Variants in ATRX observed in about 807,000 individuals in gnomAD.
ATRX encodes the protein ATRX chromatin remodeler, also known as chromatin remodeler ATRX.
ATRX carries 12 observed loss-of-function variants against 172.6 expected under a neutral mutation model. The observed-to-expected ratio is 0.07, with a 90% CI of 0.04 to 0.11. The LOEUF (loss-of-function observed/expected upper bound fraction) is 0.11. Among genes scored for constraint, ATRX ranks in the 10% least tolerant of loss-of-function variants. The pLI, the probability that ATRX is intolerant of heterozygous loss-of-function variation, is 1.00. For synonymous variants in ATRX, 674 were observed against 594.7 expected, an observed-to-expected ratio of 1.13 and a Z score of -1.94; for missense variants, 1,368 against 1,767.4, an observed-to-expected ratio of 0.77 and a Z score of 4.05.
chrX:77,591,693 T>C (rs1489667969), intron 26 of ATRX, among the ~76,000 whole-genome samples: 1 of 112,319 alleles, frequency 8.9e-6, no homozygotes, highest in African/African-American at 3.2e-5. Context: ...TCAGCTCAAA[T>C]GACCAAGGCC....
At chrX:77,649,363 A>G (rs1185763398) in intron 15 of ATRX, among the ~76,000 whole-genome samples, 1 of 112,198 alleles carries the variant, frequency 8.9e-6, no homozygotes, top group Non-Finnish European at 1.9e-5. Context: ...CACCATTTAT[A>G]ATTTTAAAAA....
chrX:77,667,518 A>T (rs1478231753), intron 10 of ATRX, among the ~76,000 whole-genome samples: 2 of 111,096 alleles, frequency 1.8e-5, no homozygotes, highest in Non-Finnish European at 1.9e-5. Context: ...TTGTGTTTAC[A>T]AGTTCAAAAA....
intron 30 of ATRX, among the ~76,000 whole-genome samples, chrX:77,553,082 G>A (rs1245290314): frequency 9.0e-6 from 1 of 111,354 alleles, no homozygotes; most frequent in Non-Finnish European, 1.9e-5. Context: ...AATAAAAGCA[G>A]CTTCAAATAC....
intron 1 of ATRX, among the ~76,000 whole-genome samples, chrX:77,782,388 A>T: frequency 8.9e-6 from 1 of 112,564 alleles, no homozygotes; most frequent in Non-Finnish European, 1.9e-5. Context: ...CTTTTCAAGT[A>T]ATCAATTGCC....
chrX:77,523,759 C>T (rs1210540410), intron 30 of ATRX, among the ~76,000 whole-genome samples: 1 of 111,376 alleles, frequency 9.0e-6, no homozygotes, highest in Non-Finnish European at 1.9e-5. Flanking sequence ...ATATTGGATG[C>T]CTGTGCTAGA....
chrX:77,694,593 T>C (rs1478165481), intron 5 of ATRX, among the ~76,000 whole-genome samples: 1 of 111,106 alleles, frequency 9.0e-6, no homozygotes, highest in East Asian at 2.8e-4. Context: ...ATCCCTATGT[T>C]AATATTTTAG....
At chrX:77,730,785 A>G (rs782094434) in intron 1 of ATRX, among the ~76,000 whole-genome samples, 47 of 111,742 alleles carry the variant, frequency 4.2e-4, no homozygotes, top group African/African-American at 1.5e-3. Flanking sequence ...ATTGAAACAA[A>G]TGATACTGAA....
intron 27 of ATRX, among the ~76,000 whole-genome samples, chrX:77,576,467 G>T (rs1421904789): frequency 9.1e-6 from 1 of 110,494 alleles, no homozygotes; most frequent in Non-Finnish European, 1.9e-5. Context: ...CAAAGAAAGC[G>T]GGGAAATGAG....
rs782124045 is a variant in ATRX, at chrX:77,722,384, C to A, written c.21-5141G>T. 5.6e-5 allele frequency among the ~76,000 whole-genome samples: 6 copies of A among 108,090 alleles called. No homozygotes were observed. The South Asian group carries it at 2.3e-3, about 41-fold the overall frequency. The allele number at this position is 108,090 out of a possible 115,157, so 93.9% of individuals were successfully genotyped here. A position where few individuals can be genotyped will look rare whatever the true frequency, so the allele number is the denominator to read the frequency against. On this transcript the variant is annotated intron_variant, in intron 1 of 34. Coordinates refer to ENST00000373344, the MANE Select transcript of ATRX (RefSeq NM_000489.6). ...GCAAAAAAAAAATATATATATATAT[C>A]TCATCAGAGTGAACAGGCAACCTAC...
At chrX:77,704,891 C>T (rs562863535) in intron 2 of ATRX, among the ~76,000 whole-genome samples, 10 of 112,000 alleles carry the variant, frequency 8.9e-5, no homozygotes, top group Non-Finnish European at 1.5e-4. Context: ...GGTCTGCAGC[C>T]CCCCCATGAT....
chrX:77,651,000 T>TCCCAA (rs1229557630), intron 15 of ATRX, among the ~76,000 whole-genome samples: 32 of 110,849 alleles, frequency 2.9e-4, no homozygotes, highest in Non-Finnish European at 5.1e-4. Flanking sequence ...CATTCCCAAC[T>TCCCAA]ATTTATAAAC....
chrX:77,704,877 C>A (rs782752713), intron 2 of ATRX, among the ~76,000 whole-genome samples: 1 of 112,258 alleles, frequency 8.9e-6, no homozygotes, highest in South Asian at 3.7e-4. Flanking sequence ...TGCAGAGACA[C>A]CTGGGTCTGC....
chrX:77,640,711 A>T (rs1557110745), intron 15 of ATRX, among the ~76,000 whole-genome samples: 1 of 111,608 alleles, frequency 9.0e-6, no homozygotes, highest in Non-Finnish European at 1.9e-5. Context: ...ATCAGGGAAA[A>T]GGGATTCCCA....
intron 19 of ATRX, among the ~76,000 whole-genome samples, chrX:77,631,139 T>C (rs1346934459): frequency 9.7e-6 from 1 of 103,128 alleles, no homozygotes; most frequent in Non-Finnish European, 2.0e-5. Context: ...TAGGGACATA[T>C]CAAAGGGTAG....
intron 1 of ATRX, among the ~76,000 whole-genome samples, chrX:77,718,389 T>TA: frequency 9.7e-6 from 1 of 102,860 alleles, no homozygotes; most frequent in South Asian, 4.4e-4. Context: ...TTTTTTTTTT[T>TA]AAAAGACGGA....
At chrX:77,753,998 C>A (rs2075395767) in intron 1 of ATRX, among the ~76,000 whole-genome samples, 1 of 111,738 alleles carries the variant, frequency 8.9e-6, no homozygotes, top group Admixed American at 9.5e-5. Flanking sequence ...TCTCTAAGAA[C>A]TTGCTTTATG....
chrX:77,562,049 T>A (rs1557062291), intron 28 of ATRX, among the ~76,000 whole-genome samples: 1 of 112,122 alleles, frequency 8.9e-6, no homozygotes. Context: ...CCCTAAACCC[T>A]GTCAACTACA....
intron 19 of ATRX, among the ~76,000 whole-genome samples, chrX:77,622,093 G>T (rs1557100410): frequency 9.0e-6 from 1 of 111,530 alleles, no homozygotes; most frequent in Non-Finnish European, 1.9e-5. Context: ...AATTTTGGAA[G>T]TCAATTTTAC....
In ATRX at chrX:77,613,687, G is replaced by A. The variant is rs563765792; in HGVS notation, c.5566+2926C>T. ...AACCAATCCCCCACATATACCAAGG[G>A]ACAACTATATTCTGCATGTGAATCC... On this transcript the variant is annotated intron_variant, in intron 22 of 34. Coordinates refer to ENST00000373344, the MANE Select transcript of ATRX (RefSeq NM_000489.6). Among the ~76,000 whole-genome samples, 21 of 111,950 alleles carry A rather than the reference G, an allele frequency of 1.9e-4. No individual in the cohort carries two copies. In the South Asian group the frequency reaches 5.8e-3, roughly 31 times the overall value.
Sources: allele counts gnomAD v4.1 joint callset (sites outside exome capture counted in the v4.1 genomes callset), GRCh38; gene constraint gnomAD v4.1.1; transcripts MANE v1.5; gene names NCBI Gene and HGNC (gene_info 2026-07-23, HGNC 2026-07-21).